Variants in DPH6 observed in about 807,000 individuals in gnomAD.
DPH6 encodes the protein diphthamine biosynthesis 6.
In DPH6, 33 loss-of-function variants were observed where a neutral mutation model predicts 38.2. That is an observed-to-expected ratio of 0.86 (90% CI 0.65 to 1.15). The LOEUF is 1.15. Among genes scored for constraint, DPH6 ranks in the 50% most tolerant of loss-of-function variants. The probability of loss-of-function intolerance (pLI) is 0.00; values close to 1 mark genes in which losing one functional copy is unlikely to be tolerated. For missense variants in DPH6, 325 were observed against 320.0 expected, an observed-to-expected ratio of 1.02 and a Z score of -0.12; for synonymous variants, 108 against 103.0, an observed-to-expected ratio of 1.05 and a Z score of -0.30.
chr15:35,423,489 C>A (rs967712283), intron 5 of DPH6, among the ~76,000 whole-genome samples: 3 of 151,510 alleles, frequency 2.0e-5, no homozygotes, highest in African/African-American at 7.3e-5. Context: ...TTTTCACTCC[C>A]CAGGTTGCCT....
At chr15:35,482,469 C>T (rs970425266) in intron 3 of DPH6, among the ~76,000 whole-genome samples, 3 of 151,908 alleles carry the variant, frequency 2.0e-5, no homozygotes, top group Admixed American at 1.3e-4. Context: ...TATAAAACCA[C>T]AATAATAAAA....
At chr15:35,526,657 T>C (rs1186109218) in intron 3 of DPH6, among the ~76,000 whole-genome samples, 2 of 152,208 alleles carry the variant, frequency 1.3e-5, no homozygotes, top group South Asian at 4.1e-4. Context: ...GTCTGAATTT[T>C]CTAAACTTGG....
intron 3 of DPH6, among the ~76,000 whole-genome samples, chr15:35,511,671 A>G (rs1009587912): frequency 6.6e-6 from 1 of 152,136 alleles, no homozygotes; most frequent in Admixed American, 6.6e-5. Flanking sequence ...GCGTTTTCAT[A>G]TCACTGACAA....
At chr15:35,503,528 C>T (rs1045188748) in intron 3 of DPH6, among the ~76,000 whole-genome samples, 8 of 152,204 alleles carry the variant, frequency 5.3e-5, no homozygotes, top group African/African-American at 1.9e-4. Context: ...GTAAGATTAA[C>T]AGTCCTTTAT....
intron 3 of DPH6, among the ~76,000 whole-genome samples, chr15:35,294,951 C>T (rs369441065): frequency 2.0e-5 from 3 of 152,290 alleles, no homozygotes; most frequent in African/African-American, 4.8e-5. Context: ...TCACGGGGCT[C>T]AGTGACATTG....
chr15:35,288,140 T>C (rs1311949194), intron 3 of DPH6, among the ~76,000 whole-genome samples: 1 of 152,208 alleles, frequency 6.6e-6, no homozygotes. Flanking sequence ...ACATACTGAT[T>C]ATCCTTTCCT....
intron 3 of DPH6, among the ~76,000 whole-genome samples, chr15:35,357,018 A>G (rs1328548504): frequency 6.6e-6 from 1 of 151,786 alleles, no homozygotes; most frequent in Non-Finnish European, 1.5e-5. Context: ...GCCGCCTTGC[A>G]GTTTGATCTC....
chr15:35,160,375 C>T, the DPH6 span, among the ~76,000 whole-genome samples: 1 of 151,958 alleles, frequency 6.6e-6, no homozygotes, highest in Non-Finnish European at 1.5e-5. Flanking sequence ...TCCACAGAAA[C>T]CATTCTTGTC....
intron 3 of DPH6, among the ~76,000 whole-genome samples, chr15:35,260,232 C>T (rs563474086): frequency 4.6e-5 from 7 of 152,084 alleles, no homozygotes; most frequent in Admixed American, 1.3e-4. Flanking sequence ...CTCAGGCTCC[C>T]GAGTAGCTGG....
At chr15:35,206,265 A>G in the DPH6 span, among the ~76,000 whole-genome samples, 3 of 152,192 alleles carry the variant, frequency 2.0e-5, no homozygotes, top group Non-Finnish European at 2.9e-5. Context: ...CATTAAGGAT[A>G]CTACACCAGC....
chr15:35,387,506 C>G (rs2052983677), intron 6 of DPH6, among the ~76,000 whole-genome samples: 1 of 152,150 alleles, frequency 6.6e-6, no homozygotes, highest in Admixed American at 6.6e-5. Flanking sequence ...TTTGTATCCT[C>G]TTTTATTTCA....
At chr15:35,480,248 T>C (rs1378261334) in intron 3 of DPH6, among the ~76,000 whole-genome samples, 1 of 152,060 alleles carries the variant, frequency 6.6e-6, no homozygotes, top group African/African-American at 2.4e-5. Flanking sequence ...AATTCTAACA[T>C]TAGGTAGATG....
chr15:35,397,727 C>T (rs2053156087), intron 6 of DPH6, among the ~76,000 whole-genome samples: 1 of 152,120 alleles, frequency 6.6e-6, no homozygotes, highest in African/African-American at 2.4e-5. Context: ...TCTAGGCTAG[C>T]TACTGCTTCT....
intron 5 of DPH6, among the ~76,000 whole-genome samples, chr15:35,436,415 G>A (rs2053705570): frequency 6.6e-6 from 1 of 151,388 alleles, no homozygotes; most frequent in African/African-American, 2.4e-5. Flanking sequence ...GCAATGAGCC[G>A]AGATGGCGCC....
chr15:35,371,903 C>A lies in DPH6; in HGVS notation c.*247G>T, dbSNP rs2052717100. 5.1e-6 allele frequency: 6 copies of A among 1,178,690 alleles called. No individual in the cohort carries two copies. Among genetic ancestry groups the A allele is most frequent in the Non-Finnish European group, 6.3e-6 (6 of 947,612 alleles). 73.0% of individuals were successfully genotyped at this position (1,178,690 alleles called of 1,614,324 possible). ...AGATGAAATAAAAGAAAAAAAAGGTCATAGGGAAGATGTGTTAACGAAAGA... is the reference window on the plus strand; with the variant it reads ...AGATGAAATAAAAGAAAAAAAAGGTAATAGGGAAGATGTGTTAACGAAAGA... On this transcript the variant is annotated 3_prime_UTR_variant, in exon 9 of 9. Transcript: ENST00000256538.
At chr15:35,305,543 T>G (rs1285736721) in intron 3 of DPH6, among the ~76,000 whole-genome samples, 1 of 152,122 alleles carries the variant, frequency 6.6e-6, no homozygotes, top group Non-Finnish European at 1.5e-5. Flanking sequence ...ATCTACCATC[T>G]CTTGACTTGC....
At chr15:35,194,369 C>CAGAGAGAGAGAGAGAGAGAGAGAGAG in the DPH6 span, among the ~76,000 whole-genome samples, 69 of 144,736 alleles carry the variant, frequency 4.8e-4, 2 homozygotes, top group Middle Eastern at 3.6e-3. Flanking sequence ...TTCCTTTTTC[C>CAGAGAGAGAGAGAGAGAGAGAGAGAG]AGAGAGAGAG....
chr15:35,495,504 T>C (rs1198753495), intron 3 of DPH6, among the ~76,000 whole-genome samples: 1 of 152,056 alleles, frequency 6.6e-6, no homozygotes, highest in Non-Finnish European at 1.5e-5. Context: ...GGCACTAGCA[T>C]CAAAAAACAC....
the DPH6 span, among the ~76,000 whole-genome samples, chr15:35,170,109 C>G: frequency 3.9e-5 from 6 of 152,142 alleles, no homozygotes; most frequent in Middle Eastern, 3.2e-3. Flanking sequence ...CTTGATTGTT[C>G]TGAATCAACT....
Sources: allele counts gnomAD v4.1 joint callset (sites outside exome capture counted in the v4.1 genomes callset), GRCh38; gene constraint gnomAD v4.1.1; transcripts MANE v1.5; gene names NCBI Gene and HGNC (gene_info 2026-07-23, HGNC 2026-07-21).